Variants in CPAMD8 observed in about 807,000 individuals in gnomAD.
The protein encoded by CPAMD8 is C3 and PZP-like alpha-2-macroglobulin domain-containing protein 8.
A neutral mutation model predicts 224.7 loss-of-function variants in CPAMD8; 146 were observed. That is an observed-to-expected ratio of 0.65 (90% confidence interval 0.57 to 0.75). The LOEUF (loss-of-function observed/expected upper bound fraction) is 0.75, where lower values mean the gene tolerates loss of function less well. CPAMD8 is among the 30% of genes least tolerant of loss of function. The pLI, the probability that CPAMD8 is intolerant of heterozygous loss-of-function variation, is 0.00. For synonymous variants in CPAMD8, 966 were observed against 1,044.6 expected (o/e 0.92, Z 1.45); for missense variants, 2,301 against 2,537.5 (o/e 0.91, Z 2.00).
chr19:16,977,760 G>A (rs918947669), intron 14 of CPAMD8, among the ~76,000 whole-genome samples: 3 of 152,146 alleles, frequency 2.0e-5, no homozygotes, highest in African/African-American at 7.2e-5. Flanking sequence ...GGCTCCTACA[G>A]AGCAGGCTGG....
chr19:17,011,676 T>C lies in CPAMD8; in HGVS notation c.349A>G (p.Asn117Asp). ...CCGTCCACGGTCACCGAGGTCTGGT[T>C]GTGAAAGAGGGGCCCCTCCTCCGCC... The part of the protein sequence containing the change: ...WQAEEGPLFH[N>D]QTSVTVDGRG... The change falls in exon 4 of 42, where the codon AAC becomes GAC. Residue 117 changes from asparagine (N) to aspartate (D), a missense_variant. Around this residue, in one of 4 missense-constraint regions of CPAMD8, gnomAD observed 283 missense variants for 340.6 expected, o/e 0.83. Coordinates refer to ENST00000443236, the MANE Select transcript of CPAMD8 (RefSeq NM_015692.5). The C allele has an allele frequency of 6.2e-7, 1 of 1,613,944 alleles. No homozygotes were observed. Among genetic ancestry groups the C allele is most frequent in the Non-Finnish European group, 8.5e-7 (1 of 1,179,980 alleles).
At chr19:17,001,416 C>G (rs541386891) in intron 9 of CPAMD8, among the ~76,000 whole-genome samples, 1 of 55,680 alleles carries the variant, frequency 1.8e-5, no homozygotes, top group African/African-American at 8.7e-5. Flanking sequence ...CTGCAGAGGG[C>G]GGGGAGCAGC....
At chr19:16,902,567 C>T in intron 35 of CPAMD8, 82 bp downstream of exon 35, 1 of 803,970 alleles carries the variant, frequency 1.2e-6, no homozygotes, top group Non-Finnish European at 2.0e-6. Flanking sequence ...GAGCCGGAAG[C>T]TCCTCCTGGT....
At chr19:16,966,797 T>C (rs1480477379) in intron 18 of CPAMD8, among the ~76,000 whole-genome samples, 1 of 152,162 alleles carries the variant, frequency 6.6e-6, no homozygotes, top group Non-Finnish European at 1.5e-5. Flanking sequence ...AGATACCATC[T>C]CATGCCAATT....
At chr19:16,952,257 G>A in intron 19 of CPAMD8, 57 bp from the exon 20 acceptor site, 1 of 991,346 alleles carries the variant, frequency 1.0e-6, no homozygotes, top group Non-Finnish European at 1.6e-6. Context: ...ATGCCTCAGG[G>A]GGGCCAGTGG....
At chr19:16,902,510 C>CTA in intron 35 of CPAMD8, 139 bp downstream of exon 35, 1 of 611,058 alleles carries the variant, frequency 1.6e-6, no homozygotes, top group East Asian at 2.9e-5. Context: ...GGGTGAGACT[C>CTA]TGTCTCAAAA....
intron 27 of CPAMD8, among the ~76,000 whole-genome samples, chr19:16,915,865 TTTC>T (rs2052934560): frequency 6.6e-6 from 1 of 151,814 alleles, no homozygotes; most frequent in African/African-American, 2.4e-5. Context: ...TCCCTCTTCC[TTTC>T]TTCTTTCTCT....
At chr19:16,944,553 C>A (rs890430536) in intron 22 of CPAMD8, among the ~76,000 whole-genome samples, 1 of 152,160 alleles carries the variant, frequency 6.6e-6, no homozygotes, top group Non-Finnish European at 1.5e-5. Flanking sequence ...GGAGGGCAGG[C>A]TGTGGCCCAG....
At chr19:16,901,518 G>A (rs759340208) in intron 35 of CPAMD8, among the ~76,000 whole-genome samples, 1 of 152,208 alleles carries the variant, frequency 6.6e-6, no homozygotes, top group Non-Finnish European at 1.5e-5. Flanking sequence ...CTTGCCAAGG[G>A]CTCTAGGCCT....
rs751868899 is a variant in CPAMD8 at position 17,008,518 on chromosome 19, C to T, written c.546G>A (p.Lys182=). 3.1e-6 allele frequency: 5 copies of T among 1,613,324 alleles called. No homozygotes were observed. Among genetic ancestry groups the T allele is most frequent in the Non-Finnish European group, 4.2e-6 (5 of 1,180,036 alleles). ...GAAGAAACTTACCGCAGCAGAACGG[C>T]TTTAAGTGTCTCCACTCTATCATCC... is the stretch of plus-strand genomic sequence containing the variant. ...GSRMIEWRHL[K]PFCCGITNMS... is the part of the protein sequence containing the mutation. Residue 182 remains lysine, a synonymous_variant, in exon 7 of 42, where the codon AAG becomes AAA. Coordinates refer to ENST00000443236, the MANE Select transcript of CPAMD8 (RefSeq NM_015692.5).
chr19:16,942,332 C>T (rs2053925694), intron 22 of CPAMD8, among the ~76,000 whole-genome samples: 1 of 152,014 alleles, frequency 6.6e-6, no homozygotes, highest in Non-Finnish European at 1.5e-5. Context: ...TGTGGTGGTG[C>T]ATGCCTGTAG....
At chr19:16,971,685 C>T (rs1013167302) in intron 17 of CPAMD8, among the ~76,000 whole-genome samples, 5 of 152,060 alleles carry the variant, frequency 3.3e-5, no homozygotes, top group African/African-American at 1.2e-4. Flanking sequence ...TTGCACAGCA[C>T]TGTGAATATA....
At chr19:16,952,833 C>A (rs770339388) in intron 19 of CPAMD8, among the ~76,000 whole-genome samples, 1 of 152,118 alleles carries the variant, frequency 6.6e-6, no homozygotes, top group Non-Finnish European at 1.5e-5. Context: ...TATCATAAAC[C>A]CCAATGACTT....
At chr19:16,939,190 TC>T in intron 22 of CPAMD8, among the ~76,000 whole-genome samples, 1 of 83,360 alleles carries the variant, frequency 1.2e-5, no homozygotes, top group East Asian at 3.3e-4. Flanking sequence ...TATTTATTTA[TC>T]TATCTATCTA....
chr19:16,933,704 T>A (rs2053608238), intron 23 of CPAMD8, among the ~76,000 whole-genome samples: 1 of 152,124 alleles, frequency 6.6e-6, no homozygotes. Flanking sequence ...TTGGTGAGGA[T>A]GGGGAGGAAA....
At chr19:16,978,033 G>C (rs2055344364) in intron 14 of CPAMD8, among the ~76,000 whole-genome samples, 1 of 152,132 alleles carries the variant, frequency 6.6e-6, no homozygotes, top group Non-Finnish European at 1.5e-5. Context: ...GATCCTTAAA[G>C]GATAGAGGAT....
intron 18 of CPAMD8, among the ~76,000 whole-genome samples, chr19:16,962,390 C>T (rs148748883): frequency 1.4e-4 from 21 of 152,074 alleles, no homozygotes; most frequent in Non-Finnish European, 2.2e-4. Flanking sequence ...AACTTTGTGA[C>T]GCAGGCACAA....
chr19:17,001,357 C>A (rs2056313911), intron 9 of CPAMD8, among the ~76,000 whole-genome samples: 1 of 138,752 alleles, frequency 7.2e-6, no homozygotes, highest in Non-Finnish European at 1.6e-5. Context: ...AGGATCAACC[C>A]CTCTCGGGTC....
intron 13 of CPAMD8, 42 bp from the exon 14 acceptor site, chr19:16,980,728 A>G: frequency 1.4e-6 from 2 of 1,448,756 alleles, no homozygotes; most frequent in Non-Finnish European, 1.8e-6. Context: ...CCTCGCACCA[A>G]TGTTGCAACC....
Sources: gnomAD v4.1 joint callset for allele counts (sites outside exome capture counted in the v4.1 genomes callset) on GRCh38, gnomAD v4.1.1 for gene constraint, gnomAD v4.1.1 regional missense constraint, MANE v1.5 for transcripts, NCBI Gene and HGNC (gene_info 2026-07-23, HGNC 2026-07-21) for gene names.